Variants in PKNOX1 observed in about 807,000 individuals in gnomAD.
The protein encoded by PKNOX1 is homeobox protein PKNOX1.
In PKNOX1, 15 loss-of-function variants were observed where a neutral mutation model predicts 51.9. The observed-to-expected ratio is 0.29, with a 90% CI of 0.19 to 0.45. The LOEUF (loss-of-function observed/expected upper bound fraction) is 0.45, where lower values mean the gene tolerates loss of function less well. Among genes scored for constraint, PKNOX1 ranks in the 20% least tolerant of loss-of-function variants. The pLI, the probability that PKNOX1 is intolerant of heterozygous loss-of-function variation, is 1.00. For missense variants in PKNOX1, 462 were observed against 547.5 expected, an observed-to-expected ratio of 0.84 and a Z score of 1.56; for synonymous variants, 219 against 211.1, an observed-to-expected ratio of 1.04 and a Z score of -0.32.
intron 8 of PKNOX1, among the ~76,000 whole-genome samples, chr21:43,023,710 G>A (rs1979864910): frequency 6.6e-6 from 1 of 151,932 alleles, no homozygotes; most frequent in Non-Finnish European, 1.5e-5. Context: ...CGCTTCCTGG[G>A]TTCAAGCAAT....
chr21:42,997,026 A>G (rs1276617708), intron 1 of PKNOX1, among the ~76,000 whole-genome samples: 1 of 151,690 alleles, frequency 6.6e-6, no homozygotes, highest in Non-Finnish European at 1.5e-5. Flanking sequence ...GACTATAGGC[A>G]TGTGCCACCA....
In PKNOX1 at chr21:43,007,571, T is replaced by C; in HGVS notation, c.132T>C (p.Pro44=). The change falls in exon 3 of 11, where the codon CCT becomes CCC. Residue 44 remains proline, a synonymous_variant. Coordinates refer to ENST00000291547, the MANE Select transcript of PKNOX1 (RefSeq NM_004571.5). ...EPDAEGVSPP[P]VESQTPMDVD... is the part of the protein sequence containing the mutation. ...ATGCAGAAGGAGTGAGCCCTCCCCC[T>C]GTGGAGTCTCAGACCCCGATGGATG... 2.5e-6 allele frequency: 4 copies of C among 1,614,150 alleles called. No individual in the cohort carries two copies. The highest frequency in any genetic ancestry group is 3.4e-6 in the Non-Finnish European group (4 of 1,179,990).
intron 1 of PKNOX1, among the ~76,000 whole-genome samples, chr21:42,978,099 G>GGGTGCAAGCAATTCTC (rs1270091936): frequency 6.6e-6 from 1 of 152,112 alleles, no homozygotes; most frequent in African/African-American, 2.4e-5. Flanking sequence ...TCTGCCTCCT[G>GGGTGCAAGCAATTCTC]GGTGCAAGCA....
chr21:43,013,593 G>A (rs1263542627), intron 5 of PKNOX1, among the ~76,000 whole-genome samples: 1 of 151,998 alleles, frequency 6.6e-6, no homozygotes, highest in African/African-American at 2.4e-5. Flanking sequence ...ACAGTTCAAT[G>A]GTGTTAAGTT....
At chr21:42,996,832 T>C (rs1164741143) in intron 1 of PKNOX1, among the ~76,000 whole-genome samples, 1 of 152,064 alleles carries the variant, frequency 6.6e-6, no homozygotes, top group Non-Finnish European at 1.5e-5. Flanking sequence ...CCTCCCAAAG[T>C]GCTGGGATTA....
intron 1 of PKNOX1, among the ~76,000 whole-genome samples, chr21:43,003,273 G>A (rs1449064441): frequency 6.6e-6 from 1 of 152,204 alleles, no homozygotes; most frequent in Non-Finnish European, 1.5e-5. Flanking sequence ...GTCCAGCCCG[G>A]CTGCTCTCCC....
intron 7 of PKNOX1, among the ~76,000 whole-genome samples, chr21:43,020,001 C>G (rs543352754): frequency 1.4e-4 from 21 of 147,828 alleles, no homozygotes; most frequent in South Asian, 6.4e-4. Flanking sequence ...GGCACAAACA[C>G]AGCTCACTGA....
At chr21:42,977,507 AC>A (rs1486222554) in intron 1 of PKNOX1, among the ~76,000 whole-genome samples, 7 of 144,800 alleles carry the variant, frequency 4.8e-5, no homozygotes, top group Non-Finnish European at 1.1e-4. Context: ...CTTTCCTTAA[AC>A]CTCATGAACC....
At chr21:43,026,060 G>A (rs1979972537) in intron 9 of PKNOX1, among the ~76,000 whole-genome samples, 1 of 152,136 alleles carries the variant, frequency 6.6e-6, no homozygotes, top group African/African-American at 2.4e-5. Context: ...TGTTTTCCTG[G>A]AGCTATGTGG....
intron 2 of PKNOX1, among the ~76,000 whole-genome samples, chr21:43,005,440 T>TTC (rs34985168): frequency 6.7e-6 from 1 of 149,016 alleles, no homozygotes; most frequent in African/African-American, 2.5e-5. Flanking sequence ...TGTTTTTTTT[T>TTC]CTCTGTATAG....
chr21:42,997,807 C>T (rs1978574880), intron 1 of PKNOX1, among the ~76,000 whole-genome samples: 1 of 152,190 alleles, frequency 6.6e-6, no homozygotes, highest in Non-Finnish European at 1.5e-5. Flanking sequence ...CTGGGCAGAA[C>T]TATCAGGCTG....
intron 1 of PKNOX1, among the ~76,000 whole-genome samples, chr21:42,974,991 T>G (rs428732): frequency 2.9e-4 from 42 of 145,404 alleles, no homozygotes; most frequent in Admixed American, 2.5e-3. Context: ...GCGCTGGGCC[T>G]GATCGAAGCG....
At chr21:43,029,532 A>G (rs1447270041) in intron 10 of PKNOX1, among the ~76,000 whole-genome samples, 2 of 139,778 alleles carry the variant, frequency 1.4e-5, no homozygotes, top group Non-Finnish European at 3.0e-5. Context: ...GGTTCCCGCC[A>G]TTCTCCTGCC....
rs887164718 is a variant in PKNOX1 at position 43,021,615 on chromosome 21, T to A, written c.849+184T>A. On this transcript the variant is annotated intron_variant, in intron 8 of 10. Transcript: ENST00000291547. This position sits in a 1 kb window ranked among gnomAD's most constrained non-coding sequence, Gnocchi z 4.6. ...CTGCTGCAGGGAACTTGAAGGGCAA[T>A]GAGGGCTGCCGTGAAGGAGCACCCG... Among the ~76,000 whole-genome samples the A allele has an allele frequency of 2.0e-5, 3 of 152,172 alleles. No individual in the cohort carries two copies. Among genetic ancestry groups the A allele is most frequent in the Admixed American group, 2.0e-4 (3 of 15,280 alleles).
At position 43,007,609 on chromosome 21, in the gene PKNOX1, C is replaced by T. The variant is rs1285664015; in HGVS notation, c.170C>T (p.Ala57Val). Residue 57 changes from alanine (A) to valine (V), a missense_variant, in exon 3 of 11, where the codon GCC (alanine) becomes GTC (valine). Around this residue, in one of 5 missense-constraint regions of PKNOX1, gnomAD observed 129 missense variants for 133.4 expected, o/e 0.97. Coordinates refer to ENST00000291547, the MANE Select transcript of PKNOX1 (RefSeq NM_004571.5). ...SQTPMDVDKQ[A>V]IYRHPLFPLL... ...ACCCCGATGGATGTGGACAAGCAGG[C>T]CATTTATAGGTAGTGCCCGGGGTGC... 1.9e-6 allele frequency: 3 copies of T among 1,613,962 alleles called. No homozygotes were observed. The Admixed American group carries it at 5.0e-5, about 27-fold the overall frequency.
chr21:43,025,009 C>A, intron 9 of PKNOX1, 62 bp downstream of exon 9: 1 of 982,158 alleles, frequency 1.0e-6, no homozygotes, highest in Non-Finnish European at 1.6e-6. Flanking sequence ...GAAACCCTGG[C>A]ACCAATACAT....
chr21:43,001,158 G>T lies in PKNOX1; in HGVS notation c.-56-3168G>T, dbSNP rs552411346. Among the ~76,000 whole-genome samples the T allele has an allele frequency of 3.3e-5, 5 of 152,350 alleles. No individual in the cohort carries two copies. The East Asian group carries it at 7.7e-4, about 23-fold the overall frequency. ...TGTGTAGGGTCTCTGCAGAACAGTTGTCTTGGGGAAGAGTTCCTGAAGTGT... is the reference window on the plus strand; with the variant it reads ...TGTGTAGGGTCTCTGCAGAACAGTTTTCTTGGGGAAGAGTTCCTGAAGTGT... On this transcript the variant is annotated intron_variant, in intron 1 of 10. Transcript: ENST00000291547.
chr21:42,986,016 A>ATT (rs1273520547), intron 1 of PKNOX1, among the ~76,000 whole-genome samples: 67 of 122,582 alleles, frequency 5.5e-4, no homozygotes, highest in African/African-American at 1.7e-3. Context: ...AAAAAAAAAA[A>ATT]ATTAAAAAAA....
At chr21:42,975,729 A>G (rs1301507541) in intron 1 of PKNOX1, among the ~76,000 whole-genome samples, 1 of 151,992 alleles carries the variant, frequency 6.6e-6, no homozygotes, top group Non-Finnish European at 1.5e-5. Flanking sequence ...GCTGAGCGCC[A>G]CGGCGGGGCC....
Sources: gnomAD v4.1 joint callset for allele counts (sites outside exome capture counted in the v4.1 genomes callset) on GRCh38, gnomAD v4.1.1 for gene constraint, gnomAD v4.1.1 regional missense constraint, Gnocchi (gnomAD v3.1) non-coding constraint, MANE v1.5 for transcripts, NCBI Gene and HGNC (gene_info 2026-07-23, HGNC 2026-07-21) for gene names.